NEGR1: variants seen among roughly 807,000 people sequenced by gnomAD.
The protein encoded by NEGR1 is IgLON family member 4.
In NEGR1, 10 loss-of-function variants were observed where a neutral mutation model predicts 40.9. The ratio of observed to expected loss-of-function variants is 0.24; its 90% CI spans 0.15 to 0.42. NEGR1 has a LOEUF of 0.42. Ranked by LOEUF, NEGR1 falls within the 10% of genes least tolerant of loss-of-function variation. The pLI is 1.00. For synonymous variants in NEGR1, 185 were observed against 166.8 expected, an observed-to-expected ratio of 1.11 and a Z score of -0.84; for missense variants, 352 against 438.9, an observed-to-expected ratio of 0.80 and a Z score of 1.77.
At chr1:72,278,930 A>C (rs1656155275) in intron 1 of NEGR1, among the ~76,000 whole-genome samples, 1 of 152,100 alleles carries the variant, frequency 6.6e-6, no homozygotes, top group East Asian at 1.9e-4. Context: ...TAAGAAAGGG[A>C]AATATCAAAC....
chr1:71,806,566 T>C (rs1351618587), intron 2 of NEGR1, among the ~76,000 whole-genome samples: 1 of 152,086 alleles, frequency 6.6e-6, no homozygotes, highest in East Asian at 1.9e-4. Flanking sequence ...GTCAGTGCCA[T>C]AAACTGGTTC....
chr1:71,620,698 T>A (rs1650582445), intron 4 of NEGR1, among the ~76,000 whole-genome samples: 2 of 151,998 alleles, frequency 1.3e-5, no homozygotes, highest in South Asian at 4.1e-4. Flanking sequence ...TCTTTATGAC[T>A]TAGAGACTTT....
intron 2 of NEGR1, among the ~76,000 whole-genome samples, chr1:71,871,969 G>C (rs761621246): frequency 1.3e-5 from 2 of 152,078 alleles, no homozygotes; most frequent in Non-Finnish European, 2.9e-5. Context: ...TGTTTGCATA[G>C]AATCAAATAC....
intron 1 of NEGR1, among the ~76,000 whole-genome samples, chr1:72,264,522 G>C (rs1211756119): frequency 7.4e-6 from 1 of 135,728 alleles, no homozygotes; most frequent in Non-Finnish European, 1.6e-5. Flanking sequence ...TTTAAATATA[G>C]AAATTAGTCA....
chr1:71,693,054 C>A (rs1653346929), intron 4 of NEGR1, among the ~76,000 whole-genome samples: 1 of 151,600 alleles, frequency 6.6e-6, no homozygotes, highest in South Asian at 2.1e-4. Context: ...GCTCTTTTTA[C>A]TCACATCTGT....
In NEGR1 at chr1:72,191,171, A is replaced by G. The variant is rs184812443; in HGVS notation, c.176+91148T>C. On this transcript the variant is annotated intron_variant, in intron 1 of 6. Coordinates refer to ENST00000357731, the MANE Select transcript of NEGR1 (RefSeq NM_173808.3). Reference sequence around the variant, plus strand: ...CAGGATACTGAATGCATAATGTTCTAGTAACATTCTCCAGATAACTAGAGA... The same window carrying G: ...CAGGATACTGAATGCATAATGTTCTGGTAACATTCTCCAGATAACTAGAGA... Among the ~76,000 whole-genome samples the G allele has an allele frequency of 4.8e-3, 734 of 151,908 alleles. 1 individual carries two copies. Among genetic ancestry groups the G allele is most frequent in the Middle Eastern group, 0.014 (4 of 292 alleles).
Position 71,957,533 on chromosome 1 carries a change from G to A in NEGR1, c.177-22222C>T, listed in dbSNP as rs182322640. Among the ~76,000 whole-genome samples, 294 of 152,218 alleles carry A rather than the reference G, an allele frequency of 1.9e-3. 1 individual carries two copies. Among genetic ancestry groups the A allele is most frequent in the Middle Eastern group, 3.4e-3 (1 of 294 alleles). On this transcript the variant is annotated intron_variant, in intron 1 of 6. Transcript: ENST00000357731. ...ATATAAATTTTTTGAAAATGTATAG[G>A]AGGAAAATGCCTATATTTCTGCAGC...
At chr1:71,612,422 C>G (rs1375200567) in intron 4 of NEGR1, among the ~76,000 whole-genome samples, 1 of 151,202 alleles carries the variant, frequency 6.6e-6, no homozygotes, top group African/African-American at 2.4e-5. Flanking sequence ...TTTTTTTTAT[C>G]CTTCACATAG....
chr1:72,271,034 T>A (rs922143156), intron 1 of NEGR1, among the ~76,000 whole-genome samples: 4 of 151,834 alleles, frequency 2.6e-5, no homozygotes, highest in African/African-American at 7.2e-5. Flanking sequence ...ACTTCTGTTG[T>A]GGAGACAAGG....
rs1157880692 is a variant in NEGR1 at position 71,724,743 on chromosome 1, T to A, written c.536-26604A>T. Among the ~76,000 whole-genome samples the A allele has an allele frequency of 2.6e-5, 4 of 152,182 alleles. No individual in the cohort carries two copies. In the East Asian group the frequency reaches 5.8e-4, roughly 22 times the overall value. Reference sequence around the variant, plus strand: ...ACCAGGCACAGTTATGTTTACATCTTTTGTGTAATTCTCCAGCCTCTGGTA... The same window carrying A: ...ACCAGGCACAGTTATGTTTACATCTATTGTGTAATTCTCCAGCCTCTGGTA... On this transcript the variant is annotated intron_variant, in intron 3 of 6. Transcript: ENST00000357731.
chr1:71,434,917 C>T (rs1182401224), intron 6 of NEGR1, among the ~76,000 whole-genome samples: 1 of 152,132 alleles, frequency 6.6e-6, no homozygotes, highest in East Asian at 1.9e-4. Flanking sequence ...CGGTGAAACC[C>T]CGTCTCTACT....
Position 71,526,671 on chromosome 1 carries a change from C to T in NEGR1, c.940+66146G>A, listed in dbSNP as rs947577490. On this transcript the variant is annotated intron_variant, in intron 6 of 6. Coordinates refer to ENST00000357731, the MANE Select transcript of NEGR1 (RefSeq NM_173808.3). Reference sequence around the variant, plus strand: ...TTCCATTCTCTCCTTCCTACTATCACTATCACATATGAGGTTTTCATCATT... The same window carrying T: ...TTCCATTCTCTCCTTCCTACTATCATTATCACATATGAGGTTTTCATCATT... Among the ~76,000 whole-genome samples, 5 of 151,500 alleles carry T rather than the reference C, an allele frequency of 3.3e-5. No homozygotes were observed. The East Asian group carries it at 9.7e-4, about 30-fold the overall frequency.
At chr1:71,434,895 T>A (rs1243842820) in intron 6 of NEGR1, among the ~76,000 whole-genome samples, 2 of 152,136 alleles carry the variant, frequency 1.3e-5, no homozygotes, top group South Asian at 2.1e-4. Context: ...ATCAAGACCA[T>A]CCTGGCTAAA....
At chr1:71,430,713 T>A (rs1646460370) in intron 6 of NEGR1, among the ~76,000 whole-genome samples, 1 of 142,326 alleles carries the variant, frequency 7.0e-6, no homozygotes, top group Non-Finnish European at 1.5e-5. Context: ...CTTTTTTTTT[T>A]TTTTTTTTTT....
chr1:71,806,399 T>C (rs937849728), intron 2 of NEGR1, among the ~76,000 whole-genome samples: 2 of 152,078 alleles, frequency 1.3e-5, no homozygotes, highest in African/African-American at 4.8e-5. Context: ...CAAAGATTTT[T>C]AATACTGTAG....
chr1:71,863,241 A>T (rs1381927447), intron 2 of NEGR1, among the ~76,000 whole-genome samples: 1 of 152,210 alleles, frequency 6.6e-6, no homozygotes, highest in Non-Finnish European at 1.5e-5. Context: ...AATTTGGTAC[A>T]TATACACCAT....
At chr1:72,061,744 C>A (rs1326994504) in intron 1 of NEGR1, among the ~76,000 whole-genome samples, 2 of 151,768 alleles carry the variant, frequency 1.3e-5, no homozygotes, top group African/African-American at 2.4e-5. Flanking sequence ...AAAAATATTT[C>A]TATTGTTGAT....
chr1:71,626,641 T>C (rs1466972911), intron 4 of NEGR1, among the ~76,000 whole-genome samples: 2 of 151,942 alleles, frequency 1.3e-5, no homozygotes, highest in Non-Finnish European at 2.9e-5. Flanking sequence ...AATTGACAAA[T>C]GGGATCTAAT....
chr1:71,806,932 G>C (rs564816012), intron 2 of NEGR1, among the ~76,000 whole-genome samples: 1 of 112,502 alleles, frequency 8.9e-6, no homozygotes, highest in East Asian at 2.8e-4. Context: ...TCACTCTCTT[G>C]CCCAGGCTGG....
Sources: allele counts gnomAD v4.1 joint callset (sites outside exome capture counted in the v4.1 genomes callset), GRCh38; gene constraint gnomAD v4.1.1; transcripts MANE v1.5; gene names NCBI Gene and HGNC (gene_info 2026-07-23, HGNC 2026-07-21).